The following TMEFF2 variants were observed in gnomAD, a reference collection of about 807,000 sequenced individuals.
TMEFF2 encodes the protein tomoregulin-2.
Under a neutral mutation model 53.8 loss-of-function variants are expected in TMEFF2, and 28 were observed. The ratio of observed to expected loss-of-function variants is 0.52; its 90% CI spans 0.39 to 0.71. TMEFF2 has a LOEUF of 0.71. Among genes scored for constraint, TMEFF2 ranks in the 30% least tolerant of loss-of-function variants. TMEFF2 has a pLI of 0.00. For synonymous variants in TMEFF2, 162 were observed against 166.3 expected, an observed-to-expected ratio of 0.97 and a Z score of 0.20; for missense variants, 353 against 455.2, an observed-to-expected ratio of 0.78 and a Z score of 2.04.
At chr2:192,192,064 G>A (rs1691475480) in intron 1 of TMEFF2, 75 bp from the exon 2 acceptor site, 1 of 1,023,086 alleles carries the variant, frequency 9.8e-7, no homozygotes, top group Non-Finnish European at 1.5e-6. Flanking sequence ...CTACTTTGAA[G>A]CTTTAAAATA....
chr2:192,104,000 G>A (rs1261167527), intron 4 of TMEFF2, among the ~76,000 whole-genome samples: 1 of 151,934 alleles, frequency 6.6e-6, no homozygotes, highest in East Asian at 1.9e-4. Flanking sequence ...GAGGACTAAC[G>A]CTTTCCAACT....
Position 192,194,728 on chromosome 2 carries a change from G to T in TMEFF2, c.-204C>A. 1.7e-6 allele frequency: 1 copy of T among 596,240 alleles called. No homozygotes were observed. Among genetic ancestry groups the T allele is most frequent in the Non-Finnish European group, 3.0e-6 (1 of 338,084 alleles). 36.9% of individuals were successfully genotyped at this position (596,240 alleles called of 1,614,324 possible). On this transcript the variant is annotated 5_prime_UTR_variant, in exon 1 of 10. Coordinates refer to ENST00000272771, the MANE Select transcript of TMEFF2 (RefSeq NM_016192.4). This position sits in a 1 kb window ranked among gnomAD's most constrained non-coding sequence, Gnocchi z 4.2. Reference sequence around the variant, plus strand: ...ACATCCAGGGACTGGGCTCAGCCCCGGAGCGAGAGGGTCGTCCGCTGAGAA... The same window carrying T: ...ACATCCAGGGACTGGGCTCAGCCCCTGAGCGAGAGGGTCGTCCGCTGAGAA...
intron 4 of TMEFF2, among the ~76,000 whole-genome samples, chr2:192,101,587 G>A (rs1203890786): frequency 6.6e-6 from 1 of 151,962 alleles, no homozygotes; most frequent in African/African-American, 2.4e-5. Flanking sequence ...CCTACTTTAG[G>A]TACTGTTATT....
chr2:192,062,968 GT>G (rs58620145), intron 4 of TMEFF2, among the ~76,000 whole-genome samples: 2,667 of 151,064 alleles, frequency 0.018, 80 homozygotes, highest in African/African-American at 0.061. Context: ...GTCCGGGAGT[GT>G]TTTTTTTTTT....
chr2:192,093,298 G>T (rs1215590550), intron 4 of TMEFF2, among the ~76,000 whole-genome samples: 1 of 152,154 alleles, frequency 6.6e-6, no homozygotes, highest in Admixed American at 6.6e-5. Flanking sequence ...ATGTTTTAGT[G>T]CTATGTATTT....
At chr2:192,073,660 C>A (rs1469783457) in intron 4 of TMEFF2, among the ~76,000 whole-genome samples, 1 of 151,892 alleles carries the variant, frequency 6.6e-6, no homozygotes, top group Admixed American at 6.6e-5. Flanking sequence ...CTCCAGAGAT[C>A]AAATTAGAAA....
intron 4 of TMEFF2, among the ~76,000 whole-genome samples, chr2:192,160,463 A>G (rs1445237437): frequency 1.3e-5 from 2 of 152,122 alleles, no homozygotes; most frequent in East Asian, 1.9e-4. Flanking sequence ...TGCCTGGGAG[A>G]AAAAAAGATA....
intron 4 of TMEFF2, among the ~76,000 whole-genome samples, chr2:192,090,600 A>T (rs939116125): frequency 6.6e-6 from 1 of 152,148 alleles, no homozygotes; most frequent in African/African-American, 2.4e-5. Context: ...TTTCTGTATG[A>T]AAGGAATCAT....
Position 192,194,587 on chromosome 2 carries a change from G to A in TMEFF2, c.-63C>T. The A allele has an allele frequency of 1.3e-6, 2 of 1,565,708 alleles. No homozygotes were observed. The highest frequency in any genetic ancestry group is 1.2e-5 in the South Asian group (1 of 86,214). On this transcript the variant is annotated 5_prime_UTR_variant, in exon 1 of 10. Transcript: ENST00000272771. This position sits in a 1 kb window ranked among gnomAD's most constrained non-coding sequence, Gnocchi z 4.2. Reference sequence around the variant, plus strand: ...CGAGGAACACAGGATCGCGGGGGCCGGGCAGCGGGCTACTGAGCATCCCGC... The same window carrying A: ...CGAGGAACACAGGATCGCGGGGGCCAGGCAGCGGGCTACTGAGCATCCCGC...
At chr2:192,075,341 A>ATAAATATATAT (rs1486339381) in intron 4 of TMEFF2, among the ~76,000 whole-genome samples, 1 of 138,242 alleles carries the variant, frequency 7.2e-6, no homozygotes, top group Non-Finnish European at 1.5e-5. Context: ...ATACATACAT[A>ATAAATATATAT]CTATGTATAT....
chr2:192,086,176 C>G (rs1688665816), intron 4 of TMEFF2, among the ~76,000 whole-genome samples: 1 of 152,128 alleles, frequency 6.6e-6, no homozygotes, highest in African/African-American at 2.4e-5. Context: ...TATCTGTCCA[C>G]AACTGATAGC....
chr2:192,041,204 C>T lies in TMEFF2; in HGVS notation c.536+16475G>A, dbSNP rs374430355. 4.6e-5 allele frequency among the ~76,000 whole-genome samples: 7 copies of T among 152,224 alleles called. No individual in the cohort carries two copies. In the South Asian group the frequency reaches 1.0e-3, roughly 23 times the overall value. ...ACAAAATAGAGAAACTACCTGCAAA[C>T]CATATATCTGCCAGGGAACTTATAT... On this transcript the variant is annotated intron_variant, in intron 5 of 9. Coordinates refer to ENST00000272771, the MANE Select transcript of TMEFF2 (RefSeq NM_016192.4).
intron 7 of TMEFF2, among the ~76,000 whole-genome samples, chr2:191,968,282 T>C (rs1692525417): frequency 6.6e-6 from 1 of 152,174 alleles, no homozygotes. Flanking sequence ...TCAGCTCAGC[T>C]AGTCCGTGGG....
chr2:191,998,941 G>T, intron 6 of TMEFF2, 119 bp downstream of exon 6: 2 of 1,040,120 alleles, frequency 1.9e-6, no homozygotes, highest in Non-Finnish European at 2.8e-6. Flanking sequence ...ACTATCCATT[G>T]TAAATAAGCA....
chr2:192,150,389 A>G (rs1470389622), intron 4 of TMEFF2, among the ~76,000 whole-genome samples: 1 of 151,856 alleles, frequency 6.6e-6, no homozygotes. Context: ...GCCTTGATCT[A>G]CAATCTTGGA....
At chr2:192,135,783 C>T (rs1423820019) in intron 4 of TMEFF2, among the ~76,000 whole-genome samples, 1 of 151,942 alleles carries the variant, frequency 6.6e-6, no homozygotes, top group Non-Finnish European at 1.5e-5. Flanking sequence ...AGTGAAGAGG[C>T]CCTGCCCCGC....
intron 4 of TMEFF2, among the ~76,000 whole-genome samples, chr2:192,103,823 G>C (rs997852717): frequency 6.6e-6 from 1 of 151,768 alleles, no homozygotes; most frequent in South Asian, 2.1e-4. Context: ...CTTGAGGTGA[G>C]GGCATGCTTG....
At chr2:191,974,048 C>T (rs760867578) in intron 7 of TMEFF2, among the ~76,000 whole-genome samples, 2 of 152,130 alleles carry the variant, frequency 1.3e-5, no homozygotes, top group Non-Finnish European at 2.9e-5. Flanking sequence ...TGGACTAATA[C>T]CCAGAAAGTA....
intron 4 of TMEFF2, among the ~76,000 whole-genome samples, chr2:192,113,791 A>T (rs1012479581): frequency 7.2e-5 from 11 of 152,142 alleles, no homozygotes; most frequent in East Asian, 3.9e-4. Context: ...GTTGCTGGGT[A>T]CTTAGTATTC....
Sources: gnomAD v4.1 joint callset for allele counts (sites outside exome capture counted in the v4.1 genomes callset) on GRCh38, gnomAD v4.1.1 for gene constraint, Gnocchi (gnomAD v3.1) non-coding constraint, MANE v1.5 for transcripts, NCBI Gene and HGNC (gene_info 2026-07-23, HGNC 2026-07-21) for gene names.